The following GET4 variants were observed in gnomAD, a reference collection of about 807,000 sequenced individuals.
GET4 encodes Golgi to ER traffic protein 4 homolog.
GET4 carries 20 observed loss-of-function variants against 40.0 expected under a neutral mutation model. The ratio of observed to expected loss-of-function variants is 0.50; its 90% CI spans 0.35 to 0.73. The LOEUF (loss-of-function observed/expected upper bound fraction) is 0.73. Among genes scored for constraint, GET4 ranks in the 30% least tolerant of loss-of-function variants. The pLI is 0.01. For missense variants in GET4, 557 were observed against 454.0 expected, an observed-to-expected ratio of 1.23 and a Z score of -2.06; for synonymous variants, 280 against 194.6, an observed-to-expected ratio of 1.44 and a Z score of -3.65.
chr7:896,156 T>C lies in GET4; in HGVS notation c.*734T>C, dbSNP rs1844486603. 6.6e-6 allele frequency: 1 copy of C among 152,220 alleles called. No homozygotes were observed. The allele number at this position is 152,220 out of a possible 1,614,324, so 9.4% of individuals were successfully genotyped here. On this transcript the variant is annotated 3_prime_UTR_variant, in exon 9 of 9. Transcript: ENST00000265857. ...TCTCTTTCATAACGCAATATTTATT[T>C]GTATTGGGTGATGATTGATTCTTTC...
chr7:881,349 C>G (rs1450683597), intron 1 of GET4: 1 of 152,154 alleles, frequency 6.6e-6, no homozygotes, highest in Non-Finnish European at 1.5e-5. Context: ...CCCACCCCAC[C>G]CCACCCCATC....
intron 3 of GET4, 144 bp downstream of exon 3, chr7:886,794 C>T (rs1041933199): frequency 6.2e-5 from 40 of 647,304 alleles, no homozygotes; most frequent in Middle Eastern, 4.2e-4. Flanking sequence ...AGTTCCCACC[C>T]GGTCTCAGTG....
At chr7:885,599 G>A (rs986752538) in intron 1 of GET4, 3 of 161,576 alleles carry the variant, frequency 1.9e-5, no homozygotes, top group South Asian at 1.5e-4. Flanking sequence ...CACTGGCCCC[G>A]TGGGGGAAGA....
intron 3 of GET4, chr7:886,902 C>G (rs536728270): frequency 3.6e-6 from 2 of 558,826 alleles, no homozygotes; most frequent in East Asian, 3.1e-5. Context: ...CCTGTCCTCT[C>G]CACTGCTCCG....
intron 2 of GET4, 178 bp from the exon 3 acceptor site, chr7:886,391 T>C: frequency 1.6e-6 from 1 of 622,086 alleles, no homozygotes; most frequent in Admixed American, 2.9e-5. Flanking sequence ...TCCATTTTCA[T>C]GTGATTCTCG....
At chr7:878,868 G>C (rs1167201360) in intron 1 of GET4, among the ~76,000 whole-genome samples, 1 of 152,184 alleles carries the variant, frequency 6.6e-6, no homozygotes, top group Non-Finnish European at 1.5e-5. Context: ...CGTGAGCCAC[G>C]GCGCCCGGCC....
chr7:895,179 T>C (rs1270514389), intron 8 of GET4, among the ~76,000 whole-genome samples, 155 bp from the exon 9 acceptor site: 1 of 152,068 alleles, frequency 6.6e-6, no homozygotes, highest in Non-Finnish European at 1.5e-5. Flanking sequence ...GAGTGTCCTG[T>C]CCCGGGGTTC....
Position 887,469 on chromosome 7 carries a change from A to C in GET4, c.416A>C (p.Lys139Thr). 1 of 1,590,106 alleles carries C rather than the reference A, an allele frequency of 6.3e-7. No homozygotes were observed. The highest frequency in any genetic ancestry group is 8.6e-7 in the Non-Finnish European group (1 of 1,166,218). Residue 139 changes from lysine (K) to threonine (T), a missense_variant, in exon 4 of 9, where the codon AAG becomes ACG. Transcript: ENST00000265857. ...ALKWSSGGSGKLGHPRLHQLL... is the reference protein window; with the variant it reads ...ALKWSSGGSGTLGHPRLHQLL... ...AAGTGGTCCAGTGGGGGCTCCGGGA[A>C]GCTGGGCCACCCCCGGCTGCACCAG...
chr7:884,603 G>T (rs906339231), intron 1 of GET4: 13 of 263,600 alleles, frequency 4.9e-5, no homozygotes, highest in South Asian at 3.3e-4. Flanking sequence ...CGGATGTGGC[G>T]GGGCTGTCTG....
intron 5 of GET4, among the ~76,000 whole-genome samples, chr7:891,867 A>G (rs111905704): frequency 0.025 from 3,770 of 152,330 alleles, 112 homozygotes; most frequent in African/African-American, 0.067. Context: ...CCCCTGGGGC[A>G]CTGAGCCCTC....
rs1241525048 is a variant in GET4, at chr7:876,750, G to C, written c.105G>C (p.Glu35Asp). 2.2e-6 allele frequency: 3 copies of C among 1,372,848 alleles called. No individual in the cohort carries two copies. The highest frequency in any genetic ancestry group is 2.9e-6 in the Non-Finnish European group (3 of 1,049,050). The allele number at this position is 1,372,848 out of a possible 1,614,324, so 85.0% of individuals were successfully genotyped here. ...RVEGKLRASV[E>D]KGDYYEAHQM... ...AGGGCAAGCTGCGCGCCAGCGTCGAGAAGGGCGACTACTACGAGGCGCACC... is the reference window on the plus strand; with the variant it reads ...AGGGCAAGCTGCGCGCCAGCGTCGACAAGGGCGACTACTACGAGGCGCACC... Residue 35 changes from glutamate to aspartate, a missense_variant, in exon 1 of 9, where the codon GAG becomes GAC. Glu to Asp is a conservative substitution (Grantham distance 45). Coordinates refer to ENST00000265857, the MANE Select transcript of GET4 (RefSeq NM_015949.3).
In GET4 at chr7:886,103, C is replaced by T. The variant is rs200738230; in HGVS notation, c.203C>T (p.Ser68Leu). 2.3e-5 allele frequency: 37 copies of T among 1,609,856 alleles called. No homozygotes were observed. The highest frequency in any genetic ancestry group is 8.3e-5 in the Admixed American group (5 of 60,018). ...ACGGAGGCCCGGGAGCTCATGTACT[C>T]GGGAGCCCTGCTCTTCTTCAGCCAT... Reference protein sequence around the residue: ...KHTEARELMYSGALLFFSHGQ... With the variant: ...KHTEARELMYLGALLFFSHGQ... Residue 68 changes from serine to leucine, a missense_variant, in exon 2 of 9, where the codon TCG (serine) becomes TTG (leucine). Physicochemically the swap from Ser to Leu is moderately radical, Grantham distance 145. Transcript: ENST00000265857.
At chr7:889,684 G>A (rs963506927) in intron 4 of GET4, among the ~76,000 whole-genome samples, 3 of 137,474 alleles carry the variant, frequency 2.2e-5, no homozygotes, top group South Asian at 2.4e-4. Context: ...GGTCTGGGGC[G>A]AGCGGGTGTT....
At position 893,870 on chromosome 7, in the gene GET4, C is replaced by G. The variant is rs747182756; in HGVS notation, c.823-29C>G. The stretch of plus-strand genomic sequence containing the variant: ...GGGACCCCACGGTCTGGGTCCACCC[C>G]CTCTGAGCCCGCTGCCTGTGCCTTG... On this transcript the variant is annotated intron_variant, in intron 7 of 8. Transcript: ENST00000265857. 17 of 1,611,200 alleles carry G rather than the reference C, an allele frequency of 1.1e-5. 2 individuals carry two copies. The South Asian group carries it at 1.1e-4, about 10-fold the overall frequency.
intron 5 of GET4, among the ~76,000 whole-genome samples, chr7:891,393 A>G (rs1199224848): frequency 6.6e-6 from 1 of 152,136 alleles, no homozygotes; most frequent in African/African-American, 2.4e-5. Context: ...CACTATCTGG[A>G]AATGCGTGGA....
chr7:887,022 CT>C (rs1562895084), intron 3 of GET4: 7 of 531,236 alleles, frequency 1.3e-5, no homozygotes, highest in South Asian at 9.0e-5. Context: ...AGCTGCCTGG[CT>C]GCAAGTCCCA....
intron 4 of GET4, among the ~76,000 whole-genome samples, chr7:888,994 G>A (rs1040499979): frequency 1.3e-5 from 2 of 152,252 alleles, no homozygotes; most frequent in Admixed American, 6.5e-5. Flanking sequence ...CCAGGCAGTG[G>A]GTGGCGTGGG....
At position 884,343 on chromosome 7, in the gene GET4, C is replaced by T. The variant is rs73252021; in HGVS notation, c.156-1713C>T. On this transcript the variant is annotated intron_variant, in intron 1 of 8. Coordinates refer to ENST00000265857, the MANE Select transcript of GET4 (RefSeq NM_015949.3). ...TGTCCCTGCAGGACTGGAACTAGGA[C>T]GGCCGGTCACAGAGTCAGTGGTCCT... The T allele has an allele frequency of 1.4e-3, 1,814 of 1,303,810 alleles. 26 individuals carry two copies. In the African/African-American group the frequency reaches 0.024, roughly 17 times the overall value. The allele number at this position is 1,303,810 out of a possible 1,614,324, so 80.8% of individuals were successfully genotyped here. A position where few individuals can be genotyped will look rare whatever the true frequency, so the allele number is the denominator to read the frequency against.
At chr7:882,756 C>G (rs1206173320) in intron 1 of GET4, 1 of 152,602 alleles carries the variant, frequency 6.6e-6, no homozygotes, top group African/African-American at 2.4e-5. Flanking sequence ...GGGGAGTCAT[C>G]TCCCAGGCCA....
Sources: gnomAD v4.1 joint callset for allele counts (sites outside exome capture counted in the v4.1 genomes callset) on GRCh38, gnomAD v4.1.1 for gene constraint, MANE v1.5 for transcripts, NCBI Gene and HGNC (gene_info 2026-07-23, HGNC 2026-07-21) for gene names.